Variants in KCNMA1 observed in about 807,000 individuals in gnomAD.
The protein encoded by KCNMA1 is Calcium-activated potassium channel subunit alpha-1.
Under a neutral mutation model 140.0 loss-of-function variants are expected in KCNMA1, and 29 were observed. The ratio of observed to expected loss-of-function variants is 0.21; its 90% confidence interval spans 0.15 to 0.28. The LOEUF (loss-of-function observed/expected upper bound fraction) is 0.28. Ranked by LOEUF, KCNMA1 falls within the 10% of genes least tolerant of loss-of-function variation. The pLI is 1.00. For synonymous variants in KCNMA1, 612 were observed against 611.9 expected (o/e 1.00, Z 0.00); for missense variants, 880 against 1,602.2 (o/e 0.55, Z 7.70).
intron 2 of KCNMA1, among the ~76,000 whole-genome samples, chr10:77,361,676 T>C (rs1173376844): frequency 1.3e-5 from 2 of 152,210 alleles, no homozygotes; most frequent in African/African-American, 4.8e-5. Flanking sequence ...AGGGGATCCA[T>C]AGGTCTGCTG....
chr10:77,011,896 A>G, intron 18 of KCNMA1, 71 bp downstream of exon 18: 1 of 1,316,180 alleles, frequency 7.6e-7, no homozygotes, highest in Non-Finnish European at 1.1e-6. Context: ...TCTAATAAGA[A>G]AAGGGAAGGA....
At chr10:77,060,223 T>A (rs1166337711) in intron 14 of KCNMA1, among the ~76,000 whole-genome samples, 1 of 152,092 alleles carries the variant, frequency 6.6e-6, no homozygotes, top group South Asian at 2.1e-4. Context: ...TTAAAGTATA[T>A]ATGGAAAGAC....
chr10:77,420,798 C>A (rs548508396), intron 1 of KCNMA1, among the ~76,000 whole-genome samples: 2 of 152,306 alleles, frequency 1.3e-5, no homozygotes, highest in Admixed American at 6.5e-5. Context: ...TCACAGAGAA[C>A]CTTCACCTTT....
chr10:76,961,185 G>A (rs2071280581), intron 20 of KCNMA1, among the ~76,000 whole-genome samples: 1 of 151,246 alleles, frequency 6.6e-6, no homozygotes, highest in African/African-American at 2.4e-5. Context: ...TGATTCATGG[G>A]AGGAGGTGAA....
In KCNMA1 at chr10:77,125,197, G is replaced by A. The variant is rs147414300; in HGVS notation, c.809-4149C>T. ...GCCAAACCATATCAGCTTCCTAACC[G>A]CTTTCTGCCCTGGACCCCTTGTGTT... On this transcript the variant is annotated intron_variant, in intron 5 of 27. Coordinates refer to ENST00000286628, the MANE Select transcript of KCNMA1 (RefSeq NM_001161352.2). 2.6e-5 allele frequency among the ~76,000 whole-genome samples: 4 copies of A among 152,190 alleles called. No individual in the cohort carries two copies. In the East Asian group the frequency reaches 7.7e-4, roughly 29 times the overall value.
chr10:77,023,253 T>A (rs1206091053), intron 16 of KCNMA1, among the ~76,000 whole-genome samples: 5 of 152,200 alleles, frequency 3.3e-5, no homozygotes, highest in Non-Finnish European at 7.4e-5. Flanking sequence ...TAAACTTTAC[T>A]TGTTTCCTGT....
Position 76,977,937 on chromosome 10 carries a change from A to G in KCNMA1, c.2267-7870T>C, listed in dbSNP as rs150367028. 2.2e-4 allele frequency: 87 copies of G among 390,514 alleles called. No homozygotes were observed. In the East Asian group the frequency reaches 4.0e-3, roughly 18 times the overall value. 24.2% of individuals were successfully genotyped at this position (390,514 alleles called of 1,614,324 possible). A position where few individuals can be genotyped will look rare whatever the true frequency, so the allele number is the denominator to read the frequency against. On this transcript the variant is annotated intron_variant, in intron 19 of 27. Coordinates refer to ENST00000286628, the MANE Select transcript of KCNMA1 (RefSeq NM_001161352.2). Reference sequence around the variant, plus strand: ...GTGTGCTGCCAGTCCACCCTGCGAGAGCCCCGTACAAGACAACAGATTAAC... The same window carrying G: ...GTGTGCTGCCAGTCCACCCTGCGAGGGCCCCGTACAAGACAACAGATTAAC...
At chr10:77,512,218 C>T (rs1331781245) in intron 1 of KCNMA1, among the ~76,000 whole-genome samples, 1 of 152,186 alleles carries the variant, frequency 6.6e-6, no homozygotes, top group Non-Finnish European at 1.5e-5. Flanking sequence ...AGCTTATCTG[C>T]TTTATCTCTT....
At chr10:76,895,823 A>G (rs1056419111) in intron 25 of KCNMA1, among the ~76,000 whole-genome samples, 1 of 152,200 alleles carries the variant, frequency 6.6e-6, no homozygotes, top group Non-Finnish European at 1.5e-5. Context: ...GGCGGGTTCC[A>G]TGATGCCCCC....
intron 3 of KCNMA1, among the ~76,000 whole-genome samples, chr10:77,197,293 G>T (rs1210352106): frequency 6.6e-6 from 1 of 152,130 alleles, no homozygotes; most frequent in Non-Finnish European, 1.5e-5. Context: ...ATCAAATCAG[G>T]TAACATTATT....
At chr10:77,188,497 T>A (rs749845197) in intron 3 of KCNMA1, among the ~76,000 whole-genome samples, 2 of 152,122 alleles carry the variant, frequency 1.3e-5, no homozygotes, top group Non-Finnish European at 2.9e-5. Context: ...ACAGGCAAAT[T>A]TAGCATGTTG....
At chr10:77,008,798 G>C (rs568700231) in intron 18 of KCNMA1, among the ~76,000 whole-genome samples, 1 of 152,332 alleles carries the variant, frequency 6.6e-6, no homozygotes, top group East Asian at 1.9e-4. Context: ...ATGTGGGTCA[G>C]CTGTCTTCTC....
At chr10:76,937,081 G>T (rs1008405127) in intron 23 of KCNMA1, among the ~76,000 whole-genome samples, 1 of 152,194 alleles carries the variant, frequency 6.6e-6, no homozygotes, top group Admixed American at 6.5e-5. Context: ...CCATCACAAA[G>T]AGCGTGTCAG....
At chr10:77,203,320 T>C (rs1380290103) in intron 3 of KCNMA1, among the ~76,000 whole-genome samples, 2 of 152,190 alleles carry the variant, frequency 1.3e-5, no homozygotes, top group Non-Finnish European at 2.9e-5. Flanking sequence ...CAGCTAAGAA[T>C]GGACGGGCTG....
chr10:77,470,534 C>G (rs541745893), intron 1 of KCNMA1, among the ~76,000 whole-genome samples: 2 of 152,140 alleles, frequency 1.3e-5, no homozygotes, highest in Admixed American at 6.5e-5. Flanking sequence ...CTCCTCCTAA[C>G]CAGCGCCAGC....
At chr10:77,188,463 T>C (rs1328178268) in intron 3 of KCNMA1, among the ~76,000 whole-genome samples, 2 of 152,144 alleles carry the variant, frequency 1.3e-5, no homozygotes, top group East Asian at 1.9e-4. Context: ...CCATAATCCA[T>C]GAAACAAGTG....
chr10:77,577,117 G>A (rs573091075), intron 1 of KCNMA1, among the ~76,000 whole-genome samples: 42 of 149,586 alleles, frequency 2.8e-4, no homozygotes, highest in African/African-American at 8.9e-4. Context: ...TTCTTTCCTC[G>A]GCTCACTGCA....
intron 23 of KCNMA1, among the ~76,000 whole-genome samples, chr10:76,932,091 T>C (rs2059432839): frequency 6.6e-6 from 1 of 152,230 alleles, no homozygotes; most frequent in African/African-American, 2.4e-5. Context: ...TTGCCATGTA[T>C]GGTTGTGAAG....
intron 1 of KCNMA1, among the ~76,000 whole-genome samples, chr10:77,414,988 C>T (rs546029333): frequency 2.0e-5 from 3 of 152,162 alleles, no homozygotes; most frequent in East Asian, 1.9e-4. Flanking sequence ...ATTCTGTTTA[C>T]TACTACTACT....
Sources: allele counts gnomAD v4.1 joint callset (sites outside exome capture counted in the v4.1 genomes callset), GRCh38; gene constraint gnomAD v4.1.1; transcripts MANE v1.5; gene names NCBI Gene and HGNC (gene_info 2026-07-23, HGNC 2026-07-21).